GADL1: variants seen among roughly 807,000 people sequenced by gnomAD.
GADL1 encodes the protein acidic amino acid decarboxylase GADL1.
GADL1 carries 71 observed loss-of-function variants against 69.5 expected under a neutral mutation model. That is an observed-to-expected ratio of 1.02 (90% CI 0.84 to 1.25). The LOEUF (loss-of-function observed/expected upper bound fraction) is 1.25. GADL1 is among the 50% of genes most tolerant of loss of function. The pLI, the probability that GADL1 is intolerant of heterozygous loss-of-function variation, is 0.00. For missense variants in GADL1, 737 were observed against 631.8 expected, an observed-to-expected ratio of 1.17 and a Z score of -1.79; for synonymous variants, 254 against 214.4, an observed-to-expected ratio of 1.18 and a Z score of -1.62.
chr3:30,828,699 G>A (rs1697732566), intron 11 of GADL1, among the ~76,000 whole-genome samples: 1 of 151,896 alleles, frequency 6.6e-6, no homozygotes, highest in Non-Finnish European at 1.5e-5. Context: ...GTCATTAAGT[G>A]TACAAATGTC....
chr3:30,774,016 C>G (rs1356068546), intron 14 of GADL1, among the ~76,000 whole-genome samples: 1 of 152,120 alleles, frequency 6.6e-6, no homozygotes, highest in Non-Finnish European at 1.5e-5. Flanking sequence ...CCAATTTACT[C>G]AGACATGGAG....
chr3:30,737,288 G>C (rs1695553559), intron 14 of GADL1, among the ~76,000 whole-genome samples: 1 of 152,082 alleles, frequency 6.6e-6, no homozygotes, highest in Non-Finnish European at 1.5e-5. Context: ...TAAAGGAAAA[G>C]CAATTTTGAC....
chr3:30,758,619 T>G (rs1234751221), intron 14 of GADL1, among the ~76,000 whole-genome samples: 1 of 152,206 alleles, frequency 6.6e-6, no homozygotes, highest in Admixed American at 6.5e-5. Flanking sequence ...TAAATATAAA[T>G]GTGGACCTTC....
chr3:30,846,130 AG>A (rs1360724448), intron 6 of GADL1, among the ~76,000 whole-genome samples: 66 of 152,190 alleles, frequency 4.3e-4, no homozygotes, highest in African/African-American at 1.5e-3. Flanking sequence ...GAGCCCTGGA[AG>A]GGAGAACAAA....
intron 1 of GADL1, among the ~76,000 whole-genome samples, chr3:30,869,942 C>T (rs912303865): frequency 6.6e-6 from 1 of 151,826 alleles, no homozygotes; most frequent in Non-Finnish European, 1.5e-5. Context: ...TCAGATAAAA[C>T]ATACTGAAAT....
At chr3:30,837,232 TTTG>T (rs1697889146) in intron 9 of GADL1, among the ~76,000 whole-genome samples, 1 of 152,114 alleles carries the variant, frequency 6.6e-6, no homozygotes, top group African/African-American at 2.4e-5. Flanking sequence ...ATTATTGCAA[TTTG>T]TTAATATTTT....
chr3:30,831,448 T>C (rs1697791483), intron 11 of GADL1, among the ~76,000 whole-genome samples: 1 of 151,950 alleles, frequency 6.6e-6, no homozygotes, highest in Non-Finnish European at 1.5e-5. Context: ...TGGCTGCAAC[T>C]AACAGATTAC....
intron 14 of GADL1, among the ~76,000 whole-genome samples, chr3:30,743,647 G>T (rs1695658378): frequency 6.6e-6 from 1 of 152,192 alleles, no homozygotes; most frequent in African/African-American, 2.4e-5. Flanking sequence ...AACACACTCT[G>T]ATTCCCTGAG....
intron 14 of GADL1, among the ~76,000 whole-genome samples, chr3:30,742,735 T>C (rs1695645672): frequency 6.6e-6 from 1 of 152,096 alleles, no homozygotes; most frequent in African/African-American, 2.4e-5. Context: ...GTTCTAAATA[T>C]CATACAAGAA....
intron 1 of GADL1, among the ~76,000 whole-genome samples, chr3:30,867,309 A>G (rs1230960850): frequency 6.6e-6 from 1 of 151,548 alleles, no homozygotes; most frequent in South Asian, 2.1e-4. Context: ...AGTCCTTCCA[A>G]AACTTCAAAT....
intron 14 of GADL1, among the ~76,000 whole-genome samples, chr3:30,753,038 ATCT>A (rs754068115): frequency 1.3e-4 from 20 of 152,326 alleles, no homozygotes; most frequent in South Asian, 8.3e-4. Flanking sequence ...CATAACGGGC[ATCT>A]TCTTAAACCA....
intron 14 of GADL1, among the ~76,000 whole-genome samples, chr3:30,757,626 C>T (rs977386575): frequency 6.6e-6 from 1 of 151,978 alleles, no homozygotes; most frequent in Non-Finnish European, 1.5e-5. Flanking sequence ...GGGCACATAA[C>T]CCCCCCACAG....
At chr3:30,736,985 AT>A (rs1430052233) in intron 14 of GADL1, among the ~76,000 whole-genome samples, 4 of 152,148 alleles carry the variant, frequency 2.6e-5, no homozygotes, top group Admixed American at 6.6e-5. Flanking sequence ...TCATGAGCTT[AT>A]TTCCAGCATT....
intron 13 of GADL1, among the ~76,000 whole-genome samples, chr3:30,781,227 A>G (rs1696658770): frequency 6.6e-6 from 1 of 152,198 alleles, no homozygotes; most frequent in African/African-American, 2.4e-5. Flanking sequence ...GAATGAATAC[A>G]TTCTATACCG....
intron 11 of GADL1, among the ~76,000 whole-genome samples, chr3:30,814,980 A>T (rs1404664770): frequency 7.1e-6 from 1 of 140,930 alleles, no homozygotes; most frequent in East Asian, 2.0e-4. Flanking sequence ...AAAAAAAAAA[A>T]AATTTTTTTC....
At chr3:30,828,553 C>T (rs576273203) in intron 11 of GADL1, among the ~76,000 whole-genome samples, 1 of 151,660 alleles carries the variant, frequency 6.6e-6, no homozygotes, top group African/African-American at 2.4e-5. Context: ...AAAAGCATTG[C>T]AAGCTTATCT....
chr3:30,738,490 C>CT (rs1695569610), intron 14 of GADL1, among the ~76,000 whole-genome samples: 1 of 152,072 alleles, frequency 6.6e-6, no homozygotes, highest in Non-Finnish European at 1.5e-5. Flanking sequence ...ATCCTGAGAC[C>CT]TTTAAGTTTT....
intron 14 of GADL1, among the ~76,000 whole-genome samples, chr3:30,763,958 T>C (rs1696205154): frequency 1.3e-5 from 2 of 152,264 alleles, no homozygotes; most frequent in Admixed American, 6.5e-5. Context: ...AATCTTCCCA[T>C]TGACTTTTTT....
Position 30,819,248 on chromosome 3 carries a change from C to T in GADL1, c.1050+14605G>A, listed in dbSNP as rs150697299. Among the ~76,000 whole-genome samples the T allele has an allele frequency of 2.4e-3, 360 of 152,066 alleles. 7 individuals are homozygous for T. In the South Asian group the frequency reaches 0.052, roughly 22 times the overall value. On this transcript the variant is annotated intron_variant, in intron 11 of 14. Transcript: ENST00000282538. Reference sequence around the variant, plus strand: ...TGCTTTCTCTTCAGAGAGTCCTCTTCCCTCCCCAACTCTGAGGCCTGTTTA... The same window carrying T: ...TGCTTTCTCTTCAGAGAGTCCTCTTTCCTCCCCAACTCTGAGGCCTGTTTA...
Sources: allele counts gnomAD v4.1 joint callset (sites outside exome capture counted in the v4.1 genomes callset), GRCh38; gene constraint gnomAD v4.1.1; transcripts MANE v1.5; gene names NCBI Gene and HGNC (gene_info 2026-07-23, HGNC 2026-07-21).